PRAMEF15: variants seen among roughly 807,000 people sequenced by gnomAD.
PRAMEF15 encodes the protein PRAME family member 9/15.
PRAMEF15 carries 21 observed loss-of-function variants against 35.3 expected under a neutral mutation model. That is an observed-to-expected ratio of 0.59 (90% CI 0.42 to 0.86). The LOEUF is 0.86. Ranked by LOEUF, PRAMEF15 falls within the 40% of genes least tolerant of loss-of-function variation. The probability of loss-of-function intolerance (pLI) is 0.00; values close to 1 mark genes in which losing one functional copy is unlikely to be tolerated. For missense variants in PRAMEF15, 360 were observed against 574.1 expected, an observed-to-expected ratio of 0.63 and a Z score of 3.81; for synonymous variants, 122 against 223.3, an observed-to-expected ratio of 0.55 and a Z score of 4.05.
chr1:13,316,344 G>T (rs1335498704), intron 1 of PRAMEF15, among the ~76,000 whole-genome samples: 1 of 151,566 alleles, frequency 6.6e-6, no homozygotes, highest in Non-Finnish European at 1.5e-5. Context: ...AGAATCACTT[G>T]AGCACAGAAG....
At chr1:13,320,633 A>C (rs1640071895) in intron 3 of PRAMEF15, among the ~76,000 whole-genome samples, 1 of 152,016 alleles carries the variant, frequency 6.6e-6, no homozygotes, top group South Asian at 2.1e-4. Context: ...CATGTTGGCC[A>C]GGTTATTCTC....
At chr1:13,315,743 A>C (rs1261820817) in intron 1 of PRAMEF15, 85 bp downstream of exon 1, 2 of 149,860 alleles carry the variant, frequency 1.3e-5, no homozygotes, top group East Asian at 1.9e-4. Flanking sequence ...CTACGATGGC[A>C]CAGAGCTATA....
intron 3 of PRAMEF15, among the ~76,000 whole-genome samples, chr1:13,320,719 C>T (rs1640073272): frequency 6.6e-6 from 1 of 152,094 alleles, no homozygotes; most frequent in Non-Finnish European, 1.5e-5. Context: ...CTACCACGCC[C>T]AGCCAACAAG....
chr1:13,316,182 T>A (rs1640000110), intron 1 of PRAMEF15, among the ~76,000 whole-genome samples: 1 of 151,680 alleles, frequency 6.6e-6, no homozygotes, highest in African/African-American at 2.4e-5. Flanking sequence ...TTTTGTATTT[T>A]TAGTAGAGGT....
chr1:13,322,090 T>G lies in PRAMEF15; in HGVS notation c.1263T>G (p.Ser421Arg), dbSNP rs1211299281. 85 of 1,598,784 alleles carry G rather than the reference T, an allele frequency of 5.3e-5. 1 individual carries two copies. The highest frequency in any genetic ancestry group is 6.6e-5 in the Non-Finnish European group (77 of 1,174,806). The change falls in exon 4 of 4, where the codon AGT becomes AGG. Residue 421 changes from serine to arginine, a missense_variant. Physicochemically the swap from Ser to Arg is moderately radical, Grantham distance 110. Coordinates refer to ENST00000376152, the MANE Select transcript of PRAMEF15 (RefSeq NM_001098376.3). ...AGCTGTATCCTGCCCCCCGAGAGAGTTATGGTGCTGATGGTACTCTCTGCT... is the reference window on the plus strand; with the variant it reads ...AGCTGTATCCTGCCCCCCGAGAGAGGTATGGTGCTGATGGTACTCTCTGCT... ...CVELYPAPRE[S>R]YGADGTLCWS...
At chr1:13,321,607 A>G in intron 3 of PRAMEF15, 96 bp from the exon 4 acceptor site, 2 of 1,309,538 alleles carry the variant, frequency 1.5e-6, no homozygotes, top group East Asian at 2.4e-5. Flanking sequence ...GGACTTGGGC[A>G]AAAAGGTCTC....
intron 1 of PRAMEF15, among the ~76,000 whole-genome samples, chr1:13,317,727 G>C (rs1420930101): frequency 6.6e-6 from 1 of 151,602 alleles, no homozygotes; most frequent in African/African-American, 2.4e-5. Context: ...ACTGAGCTGA[G>C]ATCCCACCAC....
rs1640001231 is a variant in PRAMEF15 at position 13,316,263 on chromosome 1, C to A, written c.-17+605C>A. Among the ~76,000 whole-genome samples the A allele has an allele frequency of 4.6e-5, 7 of 151,588 alleles. 1 individual carries two copies. The highest frequency in any genetic ancestry group is 3.3e-4 in the Admixed American group (5 of 15,224). On this transcript the variant is annotated intron_variant, in intron 1 of 3. Coordinates refer to ENST00000376152, the MANE Select transcript of PRAMEF15 (RefSeq NM_001098376.3). ...AAGTGATCCACCTGCCTTGGCCTCC[C>A]AAAGTGCTGGGATTACAGCTGTGAG...
chr1:13,316,586 C>T (rs1640008189), intron 1 of PRAMEF15, among the ~76,000 whole-genome samples: 1 of 151,864 alleles, frequency 6.6e-6, no homozygotes, highest in Admixed American at 6.6e-5. Context: ...ATCTTGGAGG[C>T]CGAGGTAACA....
In PRAMEF15 at chr1:13,317,558, A is replaced by G. The variant is rs1423334523; in HGVS notation, c.-16-834A>G. ...CAAGAGGGGTAGATTGCTTGAGACT[A>G]GGAGTTCAAGACCAGCTTGGACAAC... On this transcript the variant is annotated intron_variant, in intron 1 of 3. Transcript: ENST00000376152. Among the ~76,000 whole-genome samples the G allele has an allele frequency of 1.5e-3, 218 of 148,948 alleles. No homozygotes were observed. In the East Asian group the frequency reaches 0.018, roughly 12 times the overall value.
chr1:13,321,575 A>T, intron 3 of PRAMEF15, 128 bp from the exon 4 acceptor site: 1 of 1,408,862 alleles, frequency 7.1e-7, no homozygotes. Context: ...AGTGTTGACC[A>T]TCAGGCCATC....
intron 1 of PRAMEF15, among the ~76,000 whole-genome samples, chr1:13,315,886 G>A (rs1297345110): frequency 0.045 from 6,849 of 151,012 alleles, 1 homozygote; most frequent in East Asian, 0.23. Flanking sequence ...CTTGAAGGGA[G>A]CAGTGACTCA....
In PRAMEF15 at chr1:13,319,686, T is replaced by A; in HGVS notation, c.608T>A (p.Met203Lys). 1 of 1,594,878 alleles carries A rather than the reference T, an allele frequency of 6.3e-7. No homozygotes were observed. Among genetic ancestry groups the A allele is most frequent in the Non-Finnish European group, 8.5e-7 (1 of 1,172,386 alleles). ...CGCAATATCAGAAGCATCCTGAAAA[T>A]GGTGAACCTAGACTGTATCCAGGAG... ...PFRNIRSILK[M>K]VNLDCIQEVE... Residue 203 changes from methionine to lysine, a missense_variant, in exon 3 of 4, where the codon ATG becomes AAG. Coordinates refer to ENST00000376152, the MANE Select transcript of PRAMEF15 (RefSeq NM_001098376.3).
chr1:13,320,142 A>C (rs1640063641), intron 3 of PRAMEF15, among the ~76,000 whole-genome samples, 189 bp downstream of exon 3: 3 of 152,102 alleles, frequency 2.0e-5, no homozygotes, highest in South Asian at 2.1e-4. Flanking sequence ...ATAGAGGCAG[A>C]GGGATCAGCT....
intron 1 of PRAMEF15, among the ~76,000 whole-genome samples, chr1:13,316,277 T>G (rs1267615683): frequency 1.3e-5 from 2 of 151,626 alleles, no homozygotes; most frequent in African/African-American, 4.9e-5. Flanking sequence ...GTGCTGGGAT[T>G]ACAGCTGTGA....
chr1:13,321,427 C>T (rs1192166673), intron 3 of PRAMEF15, among the ~76,000 whole-genome samples: 1 of 151,574 alleles, frequency 6.6e-6, no homozygotes, highest in Non-Finnish European at 1.5e-5. Context: ...GTTCAGCAGG[C>T]TGGTCTCAAA....
chr1:13,316,011 G>A (rs1411514645), intron 1 of PRAMEF15, among the ~76,000 whole-genome samples: 3 of 143,768 alleles, frequency 2.1e-5, no homozygotes, highest in East Asian at 2.1e-4. Flanking sequence ...CGTTTTTTTT[G>A]GGGGTGGGGA....
At chr1:13,319,186 T>C (rs1386825346) in intron 2 of PRAMEF15, among the ~76,000 whole-genome samples, 186 bp from the exon 3 acceptor site, 2 of 148,224 alleles carry the variant, frequency 1.3e-5, no homozygotes, top group Admixed American at 6.7e-5. Context: ...ACAGGGAGAC[T>C]TGGTCTCAAA....
In PRAMEF15 at chr1:13,319,365, G is replaced by A; in HGVS notation, c.294-7G>A. 1 of 1,606,834 alleles carries A rather than the reference G, an allele frequency of 6.2e-7. No homozygotes were observed. On this transcript the variant is annotated splice_polypyrimidine_tract_variant and splice_region_variant and intron_variant, in intron 2 of 3. Transcript: ENST00000376152. The stretch of plus-strand genomic sequence containing the variant: ...AAATTCTCAGTCTCACCTCTATTTT[G>A]CCACAGGAGGTGGAAACTCCAAGTG...
Sources: allele counts gnomAD v4.1 joint callset (sites outside exome capture counted in the v4.1 genomes callset), GRCh38; gene constraint gnomAD v4.1.1; transcripts MANE v1.5; gene names NCBI Gene and HGNC (gene_info 2026-07-23, HGNC 2026-07-21).